Variants in CPLX2 observed in about 807,000 individuals in gnomAD.
The protein encoded by CPLX2 is complexin 2, also known as complexin-2.
In CPLX2, 5 loss-of-function variants were observed where a neutral mutation model predicts 16.3. The observed-to-expected ratio is 0.31, with a 90% CI of 0.16 to 0.64. The LOEUF is 0.64. Among genes scored for constraint, CPLX2 ranks in the 30% least tolerant of loss-of-function variants. The pLI, the probability that CPLX2 is intolerant of heterozygous loss-of-function variation, is 0.79. For missense variants in CPLX2, 144 were observed against 181.4 expected (o/e 0.79, Z 1.18); for synonymous variants, 89 against 73.2 (o/e 1.22, Z -1.10).
intron 1 of CPLX2, among the ~76,000 whole-genome samples, chr5:175,876,567 C>T (rs1759763457): frequency 1.3e-5 from 2 of 152,150 alleles, no homozygotes. Context: ...AGTTCAAATG[C>T]TGCAGACTGC....
At position 175,880,620 on chromosome 5, in the gene CPLX2, C is replaced by G. The variant is rs1400033510; in HGVS notation, c.*575C>G. The G allele has an allele frequency of 6.1e-6, 1 of 164,828 alleles. No homozygotes were observed. The highest frequency in any genetic ancestry group is 1.3e-5 in the Non-Finnish European group (1 of 76,046). The allele number at this position is 164,828 out of a possible 1,614,324, so 10.2% of individuals were successfully genotyped here. ...TCCATCTCCTTGGTGACACCCAGCC[C>G]AGGGGCACCCCCTTCCCCAGCCCCC... On this transcript the variant is annotated 3_prime_UTR_variant, in exon 4 of 4. Transcript: ENST00000393745.
chr5:175,821,052 T>C (rs1379000409), intron 2 of CPLX2, among the ~76,000 whole-genome samples: 1 of 152,088 alleles, frequency 6.6e-6, no homozygotes, highest in African/African-American at 2.4e-5. Flanking sequence ...TCCTGGGATT[T>C]GGCAAAAGAT....
chr5:175,839,494 A>G (rs1758909054), intron 2 of CPLX2, among the ~76,000 whole-genome samples: 1 of 152,198 alleles, frequency 6.6e-6, no homozygotes, highest in African/African-American at 2.4e-5. Context: ...CATGTTGGCC[A>G]GGCTGGTCTC....
chr5:175,799,539 CATATATATATATATATATATATATAT>C, intron 1 of CPLX2, among the ~76,000 whole-genome samples: 1 of 72,276 alleles, frequency 1.4e-5, no homozygotes, highest in East Asian at 8.0e-4. Flanking sequence ...TTGCAAATTT[CATATATATATATATATATATATATAT>C]ATATATATAT....
chr5:175,847,872 C>G (rs1363388730), intron 2 of CPLX2, among the ~76,000 whole-genome samples: 1 of 152,206 alleles, frequency 6.6e-6, no homozygotes, highest in East Asian at 1.9e-4. Flanking sequence ...TCAGTCCCCC[C>G]GTGAGGTTCA....
chr5:175,870,809 C>T (rs1045453128), upstream of CPLX2, among the ~76,000 whole-genome samples: 1 of 152,150 alleles, frequency 6.6e-6, no homozygotes, highest in Non-Finnish European at 1.5e-5. Context: ...AAGGGATTGG[C>T]GAGTGGCTTG....
intron 2 of CPLX2, among the ~76,000 whole-genome samples, chr5:175,818,722 T>G (rs964903550): frequency 1.5e-5 from 2 of 137,440 alleles, no homozygotes; most frequent in Non-Finnish European, 3.0e-5. Context: ...AGTGTAGTGA[T>G]GCGATCTCGG....
chr5:175,828,337 G>A (rs1437854983), intron 2 of CPLX2, among the ~76,000 whole-genome samples: 3 of 152,178 alleles, frequency 2.0e-5, no homozygotes, highest in Non-Finnish European at 4.4e-5. Context: ...TGGTCTGGAC[G>A]AAAGAAGACT....
intron 2 of CPLX2, among the ~76,000 whole-genome samples, chr5:175,822,581 G>A (rs1306880057): frequency 6.6e-6 from 1 of 152,240 alleles, no homozygotes; most frequent in African/African-American, 2.4e-5. Flanking sequence ...TGCTAGGTCA[G>A]ACACACATGG....
chr5:175,831,330 G>A (rs1036488782), intron 2 of CPLX2, among the ~76,000 whole-genome samples: 3 of 152,176 alleles, frequency 2.0e-5, no homozygotes, highest in Non-Finnish European at 2.9e-5. Context: ...GAGAGGGGAA[G>A]GGACTTGCTC....
chr5:175,796,726 C>G (rs930047115), exon 1 of CPLX2: 1 of 152,412 alleles, frequency 6.6e-6, no homozygotes, highest in African/African-American at 2.4e-5. Flanking sequence ...GGGAGAAACG[C>G]GCCAGAACCT....
intron 2 of CPLX2, among the ~76,000 whole-genome samples, chr5:175,815,275 G>A (rs1367136263): frequency 6.6e-6 from 1 of 152,216 alleles, no homozygotes; most frequent in Non-Finnish European, 1.5e-5. Flanking sequence ...GGGCAAGTCT[G>A]ATCCTTGGCC....
intron 1 of CPLX2, among the ~76,000 whole-genome samples, chr5:175,800,829 A>G (rs1214978649): frequency 6.6e-6 from 1 of 152,212 alleles, no homozygotes; most frequent in African/African-American, 2.4e-5. Context: ...ATTGATAACA[A>G]TTGAAAAGCA....
chr5:175,843,364 G>A (rs1340570572), intron 2 of CPLX2, among the ~76,000 whole-genome samples: 3 of 152,228 alleles, frequency 2.0e-5, no homozygotes, highest in African/African-American at 7.2e-5. Flanking sequence ...ACACCTGCAT[G>A]TGCTTACTGT....
intron 2 of CPLX2, among the ~76,000 whole-genome samples, chr5:175,843,798 G>A (rs1456189273): frequency 6.6e-6 from 1 of 152,232 alleles, no homozygotes; most frequent in Non-Finnish European, 1.5e-5. Flanking sequence ...TCCAACTGAG[G>A]GGAAAGCCTC....
chr5:175,855,764 C>T (rs1759242821), intron 2 of CPLX2, among the ~76,000 whole-genome samples: 1 of 152,182 alleles, frequency 6.6e-6, no homozygotes, highest in Admixed American at 6.5e-5. Context: ...ACATGTTCAT[C>T]CCTAAATCCT....
chr5:175,828,391 C>G (rs956897664), intron 2 of CPLX2, among the ~76,000 whole-genome samples: 5 of 152,122 alleles, frequency 3.3e-5, no homozygotes, highest in African/African-American at 1.2e-4. Context: ...TATGTGGAAG[C>G]AACGCACGTT....
At chr5:175,843,326 C>T (rs61178423) in intron 2 of CPLX2, among the ~76,000 whole-genome samples, 1 of 152,044 alleles carries the variant, frequency 6.6e-6, no homozygotes, top group Non-Finnish European at 1.5e-5. Context: ...GCTCCCAAGG[C>T]ACACACACTG....
chr5:175,836,335 G>T (rs529961391), intron 2 of CPLX2, among the ~76,000 whole-genome samples: 1 of 152,016 alleles, frequency 6.6e-6, no homozygotes, highest in East Asian at 2.0e-4. Flanking sequence ...GGGCGACAGA[G>T]CGAGACTCCG....
Sources: allele counts gnomAD v4.1 joint callset (sites outside exome capture counted in the v4.1 genomes callset), GRCh38; gene constraint gnomAD v4.1.1; transcripts MANE v1.5; gene names NCBI Gene and HGNC (gene_info 2026-07-23, HGNC 2026-07-21).